APBA1: variants seen among roughly 807,000 people sequenced by gnomAD.
APBA1 encodes amyloid beta precursor protein binding family A member 1, also known as amyloid-beta A4 precursor protein-binding family A member 1.
APBA1 carries 55 observed loss-of-function variants against 86.6 expected under a neutral mutation model. That is an observed-to-expected ratio of 0.64 (90% CI 0.51 to 0.80). The LOEUF is 0.80. Among genes scored for constraint, APBA1 ranks in the 30% least tolerant of loss-of-function variants. APBA1 has a pLI of 0.00. For synonymous variants in APBA1, 511 were observed against 493.9 expected, an observed-to-expected ratio of 1.03 and a Z score of -0.46; for missense variants, 1,090 against 1,183.0, an observed-to-expected ratio of 0.92 and a Z score of 1.15.
rs768254638 is a variant in APBA1 at position 69,516,404 on chromosome 9, GTCC to G, written c.804_806del (p.Glu268del). The G allele has an allele frequency of 5.0e-6, 8 of 1,604,650 alleles. No individual in the cohort carries two copies. Among genetic ancestry groups the G allele is most frequent in the South Asian group, 1.1e-5 (1 of 91,002 alleles). On this transcript the variant is annotated inframe_deletion, in exon 2 of 13. Transcript: ENST00000265381. The surrounding 1 kb of genome is among the most constrained non-coding windows in gnomAD (Gnocchi z 7.3). ...TCACCTCGGCCACTATCTGGTCGATGTCCTCCTCCTGCTCGTAGCTGTCCATGC... is the reference window on the plus strand; with the variant it reads ...TCACCTCGGCCACTATCTGGTCGATGTCCTCCTGCTCGTAGCTGTCCATGC...
At chr9:69,656,370 G>T (rs538742370) in intron 1 of APBA1, among the ~76,000 whole-genome samples, 3 of 152,196 alleles carry the variant, frequency 2.0e-5, no homozygotes, top group South Asian at 4.1e-4. Context: ...CAAAAGAATT[G>T]ATAAACTCAG....
chr9:69,558,125 A>C (rs1309026484), intron 1 of APBA1, among the ~76,000 whole-genome samples: 1 of 152,096 alleles, frequency 6.6e-6, no homozygotes, highest in East Asian at 1.9e-4. Flanking sequence ...TTATTCCTTA[A>C]AATTATCTGT....
chr9:69,528,780 C>G (rs1181203585), intron 1 of APBA1, among the ~76,000 whole-genome samples: 1 of 151,754 alleles, frequency 6.6e-6, no homozygotes, highest in African/African-American at 2.4e-5. Context: ...ACACACAACA[C>G]TACAGTATTA....
intron 12 of APBA1, among the ~76,000 whole-genome samples, chr9:69,431,986 ATGACAGCAGTGATGAC>A (rs1354665874): frequency 1.2e-3 from 179 of 151,750 alleles, no homozygotes; most frequent in Non-Finnish European, 2.0e-3. Flanking sequence ...TGATAAATGA[ATGACAGCAGTGATGAC>A]TGACAGCAGT....
At chr9:69,630,414 C>T (rs1823019066) in intron 1 of APBA1, among the ~76,000 whole-genome samples, 2 of 152,162 alleles carry the variant, frequency 1.3e-5, no homozygotes, top group Non-Finnish European at 2.9e-5. Flanking sequence ...CAGTTTCAAA[C>T]ACATTCTAAT....
intron 1 of APBA1, among the ~76,000 whole-genome samples, chr9:69,548,763 A>G (rs1053638875): frequency 2.4e-4 from 37 of 152,242 alleles, no homozygotes; most frequent in Admixed American, 5.9e-4. Context: ...GCCATGTTGG[A>G]CATGCTCTAG....
intron 1 of APBA1, among the ~76,000 whole-genome samples, chr9:69,641,407 T>C (rs773469335): frequency 6.6e-6 from 1 of 152,198 alleles, no homozygotes; most frequent in African/African-American, 2.4e-5. Context: ...AAGTAGATTA[T>C]AAAAGTTATA....
chr9:69,515,996 C>T lies in APBA1; in HGVS notation c.1200+15G>A, dbSNP rs779941843. ...CCGCGTGGGGCCGAGGAAGCCCAAA[C>T]CCGCACCTACTTACATCTCCGTCCA... On this transcript the variant is annotated intron_variant, in intron 2 of 12. Transcript: ENST00000265381. The T allele has an allele frequency of 3.3e-6, 5 of 1,532,678 alleles. No individual in the cohort carries two copies. Among genetic ancestry groups the T allele is most frequent in the East Asian group, 2.5e-5 (1 of 39,560 alleles). The allele number at this position is 1,532,678 out of a possible 1,614,324, so 94.9% of individuals were successfully genotyped here.
At chr9:69,562,726 AAAG>A (rs769586881) in intron 1 of APBA1, among the ~76,000 whole-genome samples, 30 of 152,334 alleles carry the variant, frequency 2.0e-4, no homozygotes, top group Non-Finnish European at 4.1e-4. Context: ...GGATTAAAAA[AAAG>A]AAGAAGAAAC....
intron 11 of APBA1, among the ~76,000 whole-genome samples, chr9:69,439,783 C>T (rs535346259): frequency 6.6e-6 from 1 of 152,336 alleles, no homozygotes; most frequent in African/African-American, 2.4e-5. Flanking sequence ...TCTCTCAACT[C>T]GTCAAAGTCA....
At chr9:69,515,982 C>G in intron 2 of APBA1, 29 bp downstream of exon 2, 1 of 1,499,764 alleles carries the variant, frequency 6.7e-7, no homozygotes, top group Non-Finnish European at 9.0e-7. Context: ...CGCGTGGGGC[C>G]GAGGAAGCCC....
At chr9:69,572,972 C>A (rs1238035580) in intron 1 of APBA1, among the ~76,000 whole-genome samples, 1 of 152,032 alleles carries the variant, frequency 6.6e-6, no homozygotes, top group Non-Finnish European at 1.5e-5. Context: ...TTTATAGAGA[C>A]CATCCCAGTA....
At chr9:69,615,858 T>C (rs914357961) in intron 1 of APBA1, among the ~76,000 whole-genome samples, 2 of 152,156 alleles carry the variant, frequency 1.3e-5, no homozygotes, top group African/African-American at 4.8e-5. Context: ...ACAAATCTCA[T>C]GCCTGATGTA....
intron 1 of APBA1, among the ~76,000 whole-genome samples, chr9:69,523,294 T>A (rs1000227191): frequency 1.3e-5 from 2 of 151,386 alleles, no homozygotes; most frequent in African/African-American, 4.9e-5. Context: ...GAAGTAGTGT[T>A]AGAAGAAGGG....
intron 1 of APBA1, among the ~76,000 whole-genome samples, chr9:69,613,381 T>C (rs1345218137): frequency 6.6e-6 from 1 of 152,202 alleles, no homozygotes; most frequent in East Asian, 1.9e-4. Flanking sequence ...TTAATTTCCC[T>C]GGTTTAAGGC....
intron 1 of APBA1, among the ~76,000 whole-genome samples, chr9:69,555,028 A>G (rs1999215): frequency 0.96 from 145,813 of 152,228 alleles, 70,176 homozygotes; most frequent in East Asian, 1. Flanking sequence ...GTTCTAAGAA[A>G]ACGACATTCC....
chr9:69,456,501 C>T, intron 7 of APBA1, 69 bp from the exon 8 acceptor site: 1 of 1,464,302 alleles, frequency 6.8e-7, no homozygotes, highest in Non-Finnish European at 9.2e-7. Flanking sequence ...CGCCTGCCAC[C>T]TTACAGCCAG....
intron 1 of APBA1, among the ~76,000 whole-genome samples, chr9:69,614,094 A>G (rs1588393880): frequency 6.6e-6 from 1 of 152,280 alleles, no homozygotes; most frequent in East Asian, 1.9e-4. Flanking sequence ...TGCTTTTTAC[A>G]TCCATGTAAC....
intron 9 of APBA1, among the ~76,000 whole-genome samples, chr9:69,450,189 T>C (rs1484189810): frequency 1.3e-5 from 2 of 151,100 alleles, no homozygotes; most frequent in Non-Finnish European, 2.9e-5. Flanking sequence ...AGGTTCCCCC[T>C]CCCACAGTGC....
Sources: allele counts gnomAD v4.1 joint callset (sites outside exome capture counted in the v4.1 genomes callset), GRCh38; gene constraint gnomAD v4.1.1; non-coding constraint Gnocchi (gnomAD v3.1); transcripts MANE v1.5; gene names NCBI Gene and HGNC (gene_info 2026-07-23, HGNC 2026-07-21).